RARB: variants seen among roughly 807,000 people sequenced by gnomAD.
RARB encodes retinoic acid receptor beta.
RARB carries 17 observed loss-of-function variants against 51.9 expected under a neutral mutation model. That is an observed-to-expected ratio of 0.33 (90% CI 0.22 to 0.49). The LOEUF is 0.49. Ranked by LOEUF, RARB falls within the 20% of genes least tolerant of loss-of-function variation. The pLI, the probability that RARB is intolerant of heterozygous loss-of-function variation, is 0.99. For synonymous variants in RARB, 215 were observed against 195.4 expected, an observed-to-expected ratio of 1.10 and a Z score of -0.84; for missense variants, 369 against 550.8, an observed-to-expected ratio of 0.67 and a Z score of 3.30.
intron 1 of RARB, among the ~76,000 whole-genome samples, chr3:25,449,346 G>A (rs1165226986): frequency 6.6e-6 from 1 of 152,048 alleles, no homozygotes; most frequent in Non-Finnish European, 1.5e-5. Context: ...TGCTTCTGGG[G>A]GACTTTCCTA....
chr3:24,889,557 C>G (rs115721835), intron 2 of RARB, among the ~76,000 whole-genome samples: 3,582 of 152,068 alleles, frequency 0.024, 81 homozygotes, highest in Middle Eastern at 0.068. Flanking sequence ...TTTTGGTGCT[C>G]GTGGAATCTT....
chr3:25,578,442 A>G (rs1475804774), intron 4 of RARB, among the ~76,000 whole-genome samples: 1 of 152,216 alleles, frequency 6.6e-6, no homozygotes, highest in Non-Finnish European at 1.5e-5. Flanking sequence ...ATGTTGATGA[A>G]GGTTTCGTTC....
intron 2 of RARB, among the ~76,000 whole-genome samples, chr3:24,900,427 C>T (rs1208325591): frequency 1.3e-5 from 2 of 152,188 alleles, no homozygotes; most frequent in African/African-American, 2.4e-5. Flanking sequence ...TTCTCTCATT[C>T]CCTTAATGAA....
chr3:25,036,788 A>G (rs528511097), intron 2 of RARB, among the ~76,000 whole-genome samples: 15 of 152,156 alleles, frequency 9.9e-5, no homozygotes, highest in African/African-American at 3.6e-4. Flanking sequence ...CTAACTCCTA[A>G]GTGTGCTTGT....
chr3:25,394,179 A>C (rs1384936715), intron 5 of RARB, among the ~76,000 whole-genome samples: 1 of 152,090 alleles, frequency 6.6e-6, no homozygotes, highest in Non-Finnish European at 1.5e-5. Flanking sequence ...GGAGCAGATT[A>C]TTTAATTTCC....
At chr3:25,200,629 G>C (rs1701365389) in intron 5 of RARB, among the ~76,000 whole-genome samples, 1 of 152,124 alleles carries the variant, frequency 6.6e-6, no homozygotes, top group South Asian at 2.1e-4. Context: ...CAAGGTGTAA[G>C]GAAGGGATCC....
intron 5 of RARB, among the ~76,000 whole-genome samples, chr3:25,343,255 G>A (rs74768553): frequency 0.04 from 6,111 of 152,174 alleles, 162 homozygotes; most frequent in Middle Eastern, 0.061. Context: ...GAGAATCTTG[G>A]AGGTAAGAAC....
chr3:24,888,987 A>G (rs1703320045), intron 2 of RARB, among the ~76,000 whole-genome samples: 2 of 152,156 alleles, frequency 1.3e-5, no homozygotes, highest in Non-Finnish European at 2.9e-5. Context: ...TTTGATGATA[A>G]TGTGAATTTC....
chr3:25,097,039 A>G (rs1053199366), intron 3 of RARB, among the ~76,000 whole-genome samples: 16 of 152,168 alleles, frequency 1.1e-4, no homozygotes, highest in Admixed American at 7.9e-4. Flanking sequence ...CTTGCTTTAT[A>G]GGTTATTCCT....
At chr3:25,310,172 G>T (rs79723475) in intron 5 of RARB, among the ~76,000 whole-genome samples, 1 of 152,160 alleles carries the variant, frequency 6.6e-6, no homozygotes. Flanking sequence ...GCACGGTGAC[G>T]AGCAGCACTC....
chr3:24,859,114 T>C (rs1379833556), intron 2 of RARB, among the ~76,000 whole-genome samples: 3 of 151,936 alleles, frequency 2.0e-5, no homozygotes, highest in Non-Finnish European at 4.4e-5. Context: ...TAATTCTCTT[T>C]GTATTTAGCC....
In RARB at chr3:25,457,049, T is replaced by G. The variant is rs542048204; in HGVS notation, c.158-4144T>G. On this transcript the variant is annotated intron_variant, in intron 1 of 7. Coordinates refer to ENST00000330688, the MANE Select transcript of RARB (RefSeq NM_000965.5). ...TGGGAATACTTTTTATTATTTTTAT[T>G]TTTTGTTTTGTTTTTCTGTTTTAAA... is the stretch of plus-strand genomic sequence containing the variant. Among the ~76,000 whole-genome samples the G allele has an allele frequency of 2.6e-5, 4 of 152,200 alleles. No homozygotes were observed. The East Asian group carries it at 7.7e-4, about 29-fold the overall frequency.
At chr3:25,112,372 T>C (rs1008749771) in intron 3 of RARB, among the ~76,000 whole-genome samples, 4 of 152,202 alleles carry the variant, frequency 2.6e-5, no homozygotes, top group African/African-American at 9.6e-5. Context: ...AGTTTCTCAA[T>C]CTTATATCTT....
intron 5 of RARB, among the ~76,000 whole-genome samples, chr3:25,229,124 C>T (rs574127962): frequency 1.5e-4 from 23 of 152,166 alleles, no homozygotes; most frequent in African/African-American, 4.6e-4. Context: ...GATAAATCTG[C>T]GATGATTTAT....
chr3:24,854,388 T>G (rs1702606338), intron 1 of RARB, among the ~76,000 whole-genome samples: 1 of 152,204 alleles, frequency 6.6e-6, no homozygotes, highest in African/African-American at 2.4e-5. Flanking sequence ...ATTAGAAACT[T>G]GAGTGACTAT....
At chr3:25,517,960 A>C (rs1698240776) in intron 3 of RARB, among the ~76,000 whole-genome samples, 1 of 152,152 alleles carries the variant, frequency 6.6e-6, no homozygotes, top group Admixed American at 6.6e-5. Context: ...TAGAAACACA[A>C]AGTAACTTCA....
chr3:25,231,677 C>T (rs957817275), intron 5 of RARB, among the ~76,000 whole-genome samples: 1 of 151,970 alleles, frequency 6.6e-6, no homozygotes, highest in African/African-American at 2.4e-5. Flanking sequence ...CCTGAGTTAC[C>T]GATAAAATTG....
At chr3:25,417,249 T>C (rs1409391035) in intron 5 of RARB, among the ~76,000 whole-genome samples, 1 of 149,926 alleles carries the variant, frequency 6.7e-6, no homozygotes, top group Non-Finnish European at 1.5e-5. Context: ...TGTGTGAGAA[T>C]GGAAATTAGC....
At chr3:24,859,484 T>C (rs972652890) in intron 2 of RARB, among the ~76,000 whole-genome samples, 7 of 152,218 alleles carry the variant, frequency 4.6e-5, no homozygotes, top group African/African-American at 1.7e-4. Flanking sequence ...CAGACTCTTC[T>C]AAAGCAGCTC....
Sources: gnomAD v4.1 joint callset for allele counts (sites outside exome capture counted in the v4.1 genomes callset) on GRCh38, gnomAD v4.1.1 for gene constraint, MANE v1.5 for transcripts, NCBI Gene and HGNC (gene_info 2026-07-23, HGNC 2026-07-21) for gene names.